NEGR1: variants seen among roughly 807,000 people sequenced by gnomAD.
NEGR1 encodes the protein IgLON family member 4.
Under a neutral mutation model 40.9 loss-of-function variants are expected in NEGR1, and 10 were observed. The ratio of observed to expected loss-of-function variants is 0.24; its 90% confidence interval spans 0.15 to 0.42. The LOEUF (loss-of-function observed/expected upper bound fraction) is 0.42, where lower values mean the gene tolerates loss of function less well. Among genes scored for constraint, NEGR1 ranks in the 10% least tolerant of loss-of-function variants. NEGR1 has a pLI of 1.00. For missense variants in NEGR1, 352 were observed against 438.9 expected, an observed-to-expected ratio of 0.80 and a Z score of 1.77; for synonymous variants, 185 against 166.8, an observed-to-expected ratio of 1.11 and a Z score of -0.84.
At chr1:71,644,590 A>G (rs1040014571) in intron 4 of NEGR1, among the ~76,000 whole-genome samples, 2 of 151,946 alleles carry the variant, frequency 1.3e-5, no homozygotes, top group African/African-American at 4.8e-5. Flanking sequence ...TAAGTACTCA[A>G]TACATAGTTG....
At chr1:71,810,338 A>C (rs1266344468) in intron 2 of NEGR1, among the ~76,000 whole-genome samples, 1 of 152,132 alleles carries the variant, frequency 6.6e-6, no homozygotes, top group Non-Finnish European at 1.5e-5. Context: ...TGGAATTGAC[A>C]GTATGGTGTG....
chr1:72,223,154 C>G (rs1654066513), intron 1 of NEGR1, among the ~76,000 whole-genome samples: 1 of 152,052 alleles, frequency 6.6e-6, no homozygotes, highest in Non-Finnish European at 1.5e-5. Context: ...TTTGCATTAC[C>G]CTCCGATGAC....
At chr1:71,853,866 G>A (rs1659684814) in intron 2 of NEGR1, among the ~76,000 whole-genome samples, 2 of 152,094 alleles carry the variant, frequency 1.3e-5, no homozygotes, top group Admixed American at 1.3e-4. Context: ...ATTGCTAGAC[G>A]TCTGTTTTAA....
intron 1 of NEGR1, among the ~76,000 whole-genome samples, chr1:71,940,284 C>G (rs774496754): frequency 6.6e-6 from 1 of 152,068 alleles, no homozygotes; most frequent in Non-Finnish European, 1.5e-5. Flanking sequence ...TATGGCATAG[C>G]TTTCCTTGAT....
chr1:71,841,590 A>G (rs1309465512), intron 2 of NEGR1, among the ~76,000 whole-genome samples: 14 of 152,132 alleles, frequency 9.2e-5, no homozygotes, highest in Non-Finnish European at 1.3e-4. Context: ...TGTGGTGGTT[A>G]TGAGTACCCA....
intron 2 of NEGR1, among the ~76,000 whole-genome samples, chr1:71,852,791 G>GA (rs200253605): frequency 0.02 from 2,581 of 127,552 alleles, 50 homozygotes; most frequent in South Asian, 0.13. Flanking sequence ...AAATGGCCAG[G>GA]AAAAAAAAAA....
intron 3 of NEGR1, among the ~76,000 whole-genome samples, chr1:71,711,341 C>CAAAAAAAAAA (rs59376519): frequency 2.2e-4 from 13 of 58,680 alleles, no homozygotes; most frequent in Non-Finnish European, 3.6e-4. Context: ...GAGATTCCAC[C>CAAAAAAAAAA]AAAAAAAAAA....
intron 2 of NEGR1, among the ~76,000 whole-genome samples, chr1:71,835,047 G>A (rs1658977041): frequency 6.6e-6 from 1 of 152,048 alleles, no homozygotes; most frequent in South Asian, 2.1e-4. Flanking sequence ...TTTTTTCCAT[G>A]GTCTTTGCCT....
In NEGR1 at chr1:71,686,584, T is replaced by A. The variant is rs952397237; in HGVS notation, c.667+11424A>T. ...TGGCCCATGTCACTTCTGCTTACATTTCTTGCACTAGAACTCAGTCACAGG... is the reference window on the plus strand; with the variant it reads ...TGGCCCATGTCACTTCTGCTTACATATCTTGCACTAGAACTCAGTCACAGG... On this transcript the variant is annotated intron_variant, in intron 4 of 6. Coordinates refer to ENST00000357731, the MANE Select transcript of NEGR1 (RefSeq NM_173808.3). Among the ~76,000 whole-genome samples the A allele has an allele frequency of 2.0e-5, 3 of 152,180 alleles. No homozygotes were observed. The South Asian group carries it at 6.2e-4, about 32-fold the overall frequency.
intron 6 of NEGR1, among the ~76,000 whole-genome samples, chr1:71,568,943 A>G (rs1648722758): frequency 7.0e-6 from 1 of 142,942 alleles, no homozygotes; most frequent in Admixed American, 7.2e-5. Flanking sequence ...TTGGAGACGG[A>G]GTCTCGCTTC....
At chr1:71,902,180 A>C (rs1661161328) in intron 2 of NEGR1, among the ~76,000 whole-genome samples, 1 of 152,206 alleles carries the variant, frequency 6.6e-6, no homozygotes, top group East Asian at 1.9e-4. Context: ...ACATAAATTT[A>C]AGGATGTAGC....
At chr1:71,970,586 T>C (rs67123837) in intron 1 of NEGR1, among the ~76,000 whole-genome samples, 18,596 of 151,978 alleles carry the variant, frequency 0.12, 1,223 homozygotes, top group Middle Eastern at 0.21. Context: ...CAGCTCCTCC[T>C]TGGGAGGCCG....
At chr1:71,723,381 G>C (rs1275245351) in intron 3 of NEGR1, among the ~76,000 whole-genome samples, 1 of 152,076 alleles carries the variant, frequency 6.6e-6, no homozygotes, top group East Asian at 1.9e-4. Flanking sequence ...TCAGCTAAAA[G>C]ATCAAACCTC....
At chr1:71,966,828 A>C (rs568438881) in intron 1 of NEGR1, among the ~76,000 whole-genome samples, 40 of 152,288 alleles carry the variant, frequency 2.6e-4, no homozygotes, top group African/African-American at 9.4e-4. Context: ...ACAGAAAATA[A>C]AGGAGTTAAA....
At chr1:71,528,988 G>A (rs1047218684) in intron 6 of NEGR1, among the ~76,000 whole-genome samples, 3 of 150,936 alleles carry the variant, frequency 2.0e-5, no homozygotes, top group Admixed American at 6.6e-5. Flanking sequence ...TAGATGAATC[G>A]TATTTCAAAA....
At chr1:72,040,189 T>C (rs1000198573) in intron 1 of NEGR1, among the ~76,000 whole-genome samples, 5 of 151,992 alleles carry the variant, frequency 3.3e-5, no homozygotes, top group Admixed American at 6.6e-5. Flanking sequence ...TGGAGTTTCT[T>C]GATGGCAAAG....
intron 3 of NEGR1, among the ~76,000 whole-genome samples, chr1:71,769,390 G>T (rs1656240062): frequency 6.6e-6 from 1 of 152,078 alleles, no homozygotes; most frequent in South Asian, 2.1e-4. Flanking sequence ...CAGGAACAGA[G>T]TTACAAATTC....
intron 1 of NEGR1, among the ~76,000 whole-genome samples, chr1:72,047,870 G>A (rs967006736): frequency 1.1e-4 from 16 of 151,520 alleles, no homozygotes; most frequent in African/African-American, 3.6e-4. Flanking sequence ...CTTTCCTCAA[G>A]CAGATGAAAT....
chr1:72,069,738 A>G (rs1422515715), intron 1 of NEGR1, among the ~76,000 whole-genome samples: 1 of 152,136 alleles, frequency 6.6e-6, no homozygotes, highest in Non-Finnish European at 1.5e-5. Flanking sequence ...ATTGAGTCCT[A>G]TTGTGTTAAC....
Sources: gnomAD v4.1 joint callset for allele counts (sites outside exome capture counted in the v4.1 genomes callset) on GRCh38, gnomAD v4.1.1 for gene constraint, MANE v1.5 for transcripts, NCBI Gene and HGNC (gene_info 2026-07-23, HGNC 2026-07-21) for gene names.